The following KIAA0319 variants were observed in gnomAD, a reference collection of about 807,000 sequenced individuals.
KIAA0319 encodes dyslexia-associated protein KIAA0319.
A neutral mutation model predicts 108.4 loss-of-function variants in KIAA0319; 83 were observed. The ratio of observed to expected loss-of-function variants is 0.77; its 90% CI spans 0.64 to 0.92. KIAA0319 has a LOEUF of 0.92. Ranked by LOEUF, KIAA0319 falls within the 40% of genes least tolerant of loss-of-function variation. The pLI is 0.00. For missense variants in KIAA0319, 1,195 were observed against 1,322.4 expected, an observed-to-expected ratio of 0.90 and a Z score of 1.49; for synonymous variants, 484 against 510.4, an observed-to-expected ratio of 0.95 and a Z score of 0.70.
intron 3 of KIAA0319, among the ~76,000 whole-genome samples, chr6:24,593,813 T>C (rs1321347316): frequency 6.6e-6 from 1 of 152,180 alleles, no homozygotes; most frequent in East Asian, 1.9e-4. Context: ...AGTAAATGAC[T>C]TGGCAACATG....
At chr6:24,614,115 G>A (rs951479046) in intron 1 of KIAA0319, among the ~76,000 whole-genome samples, 4 of 152,136 alleles carry the variant, frequency 2.6e-5, no homozygotes, top group African/African-American at 7.2e-5. Context: ...AAGATACCCC[G>A]TGGCAGGTTT....
intron 20 of KIAA0319, among the ~76,000 whole-genome samples, chr6:24,548,890 G>T (rs749492962): frequency 3.9e-5 from 6 of 152,282 alleles, no homozygotes; most frequent in Admixed American, 6.5e-5. Flanking sequence ...ATGGAAGACG[G>T]ACAGTAGACA....
At chr6:24,593,871 G>A (rs1475993959) in intron 3 of KIAA0319, among the ~76,000 whole-genome samples, 1 of 151,768 alleles carries the variant, frequency 6.6e-6, no homozygotes, top group Non-Finnish European at 1.5e-5. Context: ...TAAAGAACAT[G>A]GTTAATCTCT....
rs193244696 is a variant in KIAA0319, at chr6:24,553,256, T to G, written c.2948+1285A>C. On this transcript the variant is annotated intron_variant, in intron 19 of 20. Coordinates refer to ENST00000378214, the MANE Select transcript of KIAA0319 (RefSeq NM_014809.4). ...CCTCTATTGAGACCTGTAAGGCCACTTAGGTACTTGTGAGATAGATATATA... is the reference window on the plus strand; with the variant it reads ...CCTCTATTGAGACCTGTAAGGCCACGTAGGTACTTGTGAGATAGATATATA... 5.2e-4 allele frequency among the ~76,000 whole-genome samples: 74 copies of G among 141,526 alleles called. No individual in the cohort carries two copies. In the East Asian group the frequency reaches 0.015, roughly 28 times the overall value. The allele number at this position is 141,526 out of a possible 152,430, so 92.8% of individuals were successfully genotyped here.
chr6:24,589,298 T>C (rs909727664), intron 3 of KIAA0319, among the ~76,000 whole-genome samples: 3 of 152,182 alleles, frequency 2.0e-5, no homozygotes, highest in Admixed American at 1.3e-4. Flanking sequence ...GATGACTACC[T>C]ATAAATCAAG....
intron 8 of KIAA0319, among the ~76,000 whole-genome samples, chr6:24,578,771 G>A (rs1232698817): frequency 6.6e-6 from 1 of 152,174 alleles, no homozygotes; most frequent in African/African-American, 2.4e-5. Context: ...CAGATTCATA[G>A]AAATTTAGAC....
chr6:24,552,223 AAATT>A (rs1393578707), intron 19 of KIAA0319, among the ~76,000 whole-genome samples: 2 of 152,230 alleles, frequency 1.3e-5, no homozygotes, highest in African/African-American at 2.4e-5. Context: ...GACTTAGAGA[AAATT>A]AATTGAGACT....
At position 24,569,936 on chromosome 6, in the gene KIAA0319, T is replaced by C. The variant is rs1208167480; in HGVS notation, c.1958A>G (p.His653Arg). The change falls in exon 12 of 21, where the codon CAC becomes CGC. Residue 653 changes from histidine (H) to arginine (R), a missense_variant. By Grantham distance (29) the His-to-Arg change is conservative. Coordinates refer to ENST00000378214, the MANE Select transcript of KIAA0319 (RefSeq NM_014809.4). ...CTCCCAGTGGTAGAAGACAATGCCG[T>C]GGTCATCGCTGCTGCTGCTCCCATC... ...TLDGSSSSDDHGIVFYHWEHV... is the reference protein window; with the variant it reads ...TLDGSSSSDDRGIVFYHWEHV... 1 of 1,614,084 alleles carries C rather than the reference T, an allele frequency of 6.2e-7. No individual in the cohort carries two copies. Among genetic ancestry groups the C allele is most frequent in the Admixed American group, 1.7e-5 (1 of 60,012 alleles).
At chr6:24,597,939 A>AAAAAC in intron 2 of KIAA0319, 1 of 152,446 alleles carries the variant, frequency 6.6e-6, no homozygotes, top group Non-Finnish European at 1.4e-5. Context: ...AAAAAAAAAA[A>AAAAAC]AAAAAAAAAA....
chr6:24,561,149 T>A (rs1038582748), intron 16 of KIAA0319, among the ~76,000 whole-genome samples: 1 of 152,222 alleles, frequency 6.6e-6, no homozygotes, highest in African/African-American at 2.4e-5. Context: ...TTTGATAGTA[T>A]TTTGTTGTAG....
In KIAA0319 at chr6:24,546,792, TCA is replaced by T. The variant is rs1419260842; in HGVS notation, c.*371_*372del. 5.5e-6 allele frequency: 1 copy of T among 182,142 alleles called. No homozygotes were observed. Among genetic ancestry groups the T allele is most frequent in the African/African-American group, 2.4e-5 (1 of 42,464 alleles). 11.3% of individuals were successfully genotyped at this position (182,142 alleles called of 1,614,324 possible). ...TTAGAATGCTGTTCCTTAGAGGCAA[TCA>T]CAGCAGCTAAGACAGAAATCATCCC... is the stretch of plus-strand genomic sequence containing the variant. On this transcript the variant is annotated 3_prime_UTR_variant, in exon 21 of 21. Transcript: ENST00000378214.
At chr6:24,624,883 C>T (rs1267900166) in intron 1 of KIAA0319, among the ~76,000 whole-genome samples, 1 of 152,180 alleles carries the variant, frequency 6.6e-6, no homozygotes, top group Non-Finnish European at 1.5e-5. Context: ...TGATCCTGTC[C>T]TATTCAAGAT....
chr6:24,546,980 G>C lies in KIAA0319; in HGVS notation c.*185C>G. On this transcript the variant is annotated 3_prime_UTR_variant, in exon 21 of 21. Coordinates refer to ENST00000378214, the MANE Select transcript of KIAA0319 (RefSeq NM_014809.4). The stretch of plus-strand genomic sequence containing the variant: ...TTTATTTCTATTAACAAGCATCTCA[G>C]TTAAAAGAGCAAAGTTTTTGTTTTG... 5.2e-6 allele frequency: 3 copies of C among 579,730 alleles called. No homozygotes were observed. The highest frequency in any genetic ancestry group is 9.1e-6 in the Non-Finnish European group (3 of 328,422). The allele number at this position is 579,730 out of a possible 1,614,324, so 35.9% of individuals were successfully genotyped here.
intron 3 of KIAA0319, 25 bp from the exon 4 acceptor site, chr6:24,588,810 A>C: frequency 6.4e-7 from 1 of 1,571,352 alleles, no homozygotes; most frequent in Non-Finnish European, 8.7e-7. Context: ...ACAAGGATAA[A>C]TTGTTATTAA....
At chr6:24,579,138 A>G (rs1271514434) in intron 8 of KIAA0319, among the ~76,000 whole-genome samples, 5 of 152,164 alleles carry the variant, frequency 3.3e-5, no homozygotes, top group East Asian at 1.9e-4. Context: ...TTAAATGTAC[A>G]TAAAATGCAA....
At position 24,583,588 on chromosome 6, in the gene KIAA0319, A is replaced by T; in HGVS notation, c.1093+16T>A. ...CCCCAGTTCCTAGTGGTCAGGGAGG[A>T]AGGTTAAACTCTCACCTACAGGTGG... On this transcript the variant is annotated intron_variant, in intron 5 of 20. Coordinates refer to ENST00000378214, the MANE Select transcript of KIAA0319 (RefSeq NM_014809.4). The T allele has an allele frequency of 6.4e-7, 1 of 1,565,786 alleles. No individual in the cohort carries two copies. The highest frequency in any genetic ancestry group is 8.8e-7 in the Non-Finnish European group (1 of 1,137,134).
Position 24,596,991 on chromosome 6 carries a change from C to A in KIAA0319, c.56-373G>T, listed in dbSNP as rs560984083. On this transcript the variant is annotated intron_variant, in intron 2 of 20. Coordinates refer to ENST00000378214, the MANE Select transcript of KIAA0319 (RefSeq NM_014809.4). Reference sequence around the variant, plus strand: ...TCCATCCACCCTCCCATCCATCCATCCATCTTTCTATTCTTCTACCTTTCC... The same window carrying A: ...TCCATCCACCCTCCCATCCATCCATACATCTTTCTATTCTTCTACCTTTCC... Among the ~76,000 whole-genome samples the A allele has an allele frequency of 1.5e-3, 223 of 152,116 alleles. 1 individual carries two copies. The highest frequency in any genetic ancestry group is 5.2e-3 in the African/African-American group (217 of 41,482).
At chr6:24,601,315 G>A (rs1461755522) in intron 1 of KIAA0319, 107 bp from the exon 2 acceptor site, 5 of 1,369,632 alleles carry the variant, frequency 3.7e-6, no homozygotes, top group Non-Finnish European at 3.8e-6. Context: ...GCCTGTCCTG[G>A]TCACATCACA....
chr6:24,586,584 C>T (rs1767532895), intron 4 of KIAA0319, among the ~76,000 whole-genome samples: 1 of 152,182 alleles, frequency 6.6e-6, no homozygotes. Flanking sequence ...TCCCCACAAT[C>T]CTCTTTCCTT....
Sources: allele counts gnomAD v4.1 joint callset (sites outside exome capture counted in the v4.1 genomes callset), GRCh38; gene constraint gnomAD v4.1.1; transcripts MANE v1.5; gene names NCBI Gene and HGNC (gene_info 2026-07-23, HGNC 2026-07-21).